CTNNA3: variants seen among roughly 807,000 people sequenced by gnomAD.
CTNNA3 encodes the protein catenin alpha-3.
In CTNNA3, 76 loss-of-function variants were observed where a neutral mutation model predicts 95.7. The observed-to-expected ratio is 0.79, with a 90% CI of 0.66 to 0.96. The LOEUF (loss-of-function observed/expected upper bound fraction) is 0.96, where lower values mean the gene tolerates loss of function less well. CTNNA3 is among the 40% of genes least tolerant of loss of function. The pLI, the probability that CTNNA3 is intolerant of heterozygous loss-of-function variation, is 0.00. For synonymous variants in CTNNA3, 431 were observed against 374.4 expected (o/e 1.15, Z -1.74); for missense variants, 1,191 against 1,089.8 (o/e 1.09, Z -1.31).
chr10:67,427,990 C>T (rs1845979890), intron 5 of CTNNA3, among the ~76,000 whole-genome samples: 1 of 152,068 alleles, frequency 6.6e-6, no homozygotes, highest in Non-Finnish European at 1.5e-5. Flanking sequence ...AAAATTTTCC[C>T]ATGAAAAGTC....
chr10:67,104,817 C>T (rs963217432), intron 7 of CTNNA3, among the ~76,000 whole-genome samples: 9 of 151,978 alleles, frequency 5.9e-5, no homozygotes, highest in Admixed American at 4.6e-4. Flanking sequence ...AAAATGATCA[C>T]GTCTATAACT....
chr10:66,420,827 A>AATTAATTAATT (rs1564945802), intron 11 of CTNNA3, among the ~76,000 whole-genome samples: 3 of 66,636 alleles, frequency 4.5e-5, no homozygotes, highest in African/African-American at 2.6e-4. Context: ...ATAAATAAAT[A>AATTAATTAATT]AATAAATAAA....
At chr10:66,056,214 A>G (rs981376235) in intron 15 of CTNNA3, among the ~76,000 whole-genome samples, 3 of 152,086 alleles carry the variant, frequency 2.0e-5, no homozygotes, top group South Asian at 2.1e-4. Context: ...GGACAAATAC[A>G]TACTTGTTGA....
At chr10:67,116,740 ATAT>A (rs1564902100) in intron 7 of CTNNA3, among the ~76,000 whole-genome samples, 3 of 146,856 alleles carry the variant, frequency 2.0e-5, no homozygotes, top group Non-Finnish European at 3.0e-5. Flanking sequence ...ATATATATAT[ATAT>A]AATATATAAA....
At chr10:66,474,098 T>C (rs560446267) in intron 11 of CTNNA3, among the ~76,000 whole-genome samples, 1 of 152,156 alleles carries the variant, frequency 6.6e-6, no homozygotes, top group South Asian at 2.1e-4. Flanking sequence ...CTTCTAGCTA[T>C]TTTGAAATGT....
chr10:67,101,881 A>G, intron 7 of CTNNA3, among the ~76,000 whole-genome samples: 1 of 151,840 alleles, frequency 6.6e-6, no homozygotes, highest in East Asian at 1.9e-4. Context: ...ATTCATGAAA[A>G]CCAATACCTG....
chr10:67,307,180 AT>A (rs780829655), intron 5 of CTNNA3, among the ~76,000 whole-genome samples: 197 of 152,334 alleles, frequency 1.3e-3, no homozygotes, highest in Non-Finnish European at 1.6e-3. Context: ...ATGGAAAAAA[AT>A]ATCTTTTATT....
chr10:66,834,374 C>T (rs751224504), intron 7 of CTNNA3, among the ~76,000 whole-genome samples: 14 of 152,176 alleles, frequency 9.2e-5, no homozygotes, highest in Non-Finnish European at 1.8e-4. Flanking sequence ...AACAATAACA[C>T]TTCACAGTTA....
At chr10:66,868,770 A>T (rs1307393583) in intron 7 of CTNNA3, among the ~76,000 whole-genome samples, 4 of 151,126 alleles carry the variant, frequency 2.6e-5, no homozygotes, top group East Asian at 1.9e-4. Context: ...AAAAAAAATC[A>T]GACAAAGTGC....
intron 7 of CTNNA3, among the ~76,000 whole-genome samples, chr10:67,081,037 T>C (rs1186804944): frequency 1.3e-5 from 2 of 152,144 alleles, no homozygotes; most frequent in East Asian, 3.9e-4. Context: ...TTTACCCTAG[T>C]TGGATATTTG....
intron 7 of CTNNA3, among the ~76,000 whole-genome samples, chr10:67,145,630 C>T (rs1271436065): frequency 2.0e-5 from 3 of 151,910 alleles, no homozygotes; most frequent in African/African-American, 4.8e-5. Flanking sequence ...GGGGTTTCAC[C>T]ATATTGGCCA....
intron 1 of CTNNA3, among the ~76,000 whole-genome samples, chr10:67,678,974 T>C (rs924164014): frequency 2.6e-5 from 4 of 152,126 alleles, no homozygotes; most frequent in Admixed American, 6.6e-5. Context: ...TAACAAGTAA[T>C]AGAGAGAAAG....
intron 15 of CTNNA3, among the ~76,000 whole-genome samples, chr10:66,016,010 T>G (rs565087121): frequency 1.3e-5 from 2 of 152,260 alleles, no homozygotes; most frequent in Admixed American, 1.3e-4. Flanking sequence ...AAACAATGAT[T>G]TATAGCATCT....
At chr10:66,765,460 T>C (rs1280613145) in intron 9 of CTNNA3, among the ~76,000 whole-genome samples, 1 of 152,186 alleles carries the variant, frequency 6.6e-6, no homozygotes, top group Non-Finnish European at 1.5e-5. Flanking sequence ...GCAGCCATGC[T>C]GATGAGTATG....
At chr10:67,576,188 T>C (rs1842137563) in intron 3 of CTNNA3, among the ~76,000 whole-genome samples, 1 of 152,202 alleles carries the variant, frequency 6.6e-6, no homozygotes, top group African/African-American at 2.4e-5. Context: ...CTGGGCTTAG[T>C]TATTTAAAAG....
chr10:66,614,717 G>A (rs1345573196), intron 10 of CTNNA3, among the ~76,000 whole-genome samples: 11 of 152,022 alleles, frequency 7.2e-5, no homozygotes, highest in Non-Finnish European at 1.5e-4. Flanking sequence ...ACTACTTGGT[G>A]AGAGCAACAG....
chr10:66,760,341 C>A (rs561359170), intron 9 of CTNNA3, among the ~76,000 whole-genome samples: 13 of 152,222 alleles, frequency 8.5e-5, no homozygotes, highest in Non-Finnish European at 1.6e-4. Flanking sequence ...TGCCTCTATC[C>A]CATCTCATGC....
At chr10:66,868,465 A>T (rs1429410979) in intron 7 of CTNNA3, among the ~76,000 whole-genome samples, 4 of 151,840 alleles carry the variant, frequency 2.6e-5, no homozygotes, top group African/African-American at 9.7e-5. Flanking sequence ...ATAAAGAGTC[A>T]AACAAGGCCA....
intron 7 of CTNNA3, among the ~76,000 whole-genome samples, chr10:66,833,838 G>A (rs748156340): frequency 8.5e-5 from 13 of 152,082 alleles, no homozygotes; most frequent in African/African-American, 2.4e-4. Flanking sequence ...AGGATTTCAC[G>A]AATCCTGTTT....
Sources: allele counts gnomAD v4.1 joint callset (sites outside exome capture counted in the v4.1 genomes callset), GRCh38; gene constraint gnomAD v4.1.1; transcripts MANE v1.5; gene names NCBI Gene and HGNC (gene_info 2026-07-23, HGNC 2026-07-21).